GPC6: variants seen among roughly 807,000 people sequenced by gnomAD.
GPC6 encodes glypican-6.
A neutral mutation model predicts 55.2 loss-of-function variants in GPC6; 14 were observed. The observed-to-expected ratio is 0.25, with a 90% confidence interval of 0.17 to 0.40. GPC6 has a LOEUF of 0.40. GPC6 is among the 10% of genes least tolerant of loss of function. The pLI is 1.00. For synonymous variants in GPC6, 278 were observed against 259.6 expected (o/e 1.07, Z -0.68); for missense variants, 641 against 708.5 (o/e 0.90, Z 1.08).
At chr13:93,848,426 C>T (rs1412262216) in intron 3 of GPC6, among the ~76,000 whole-genome samples, 1 of 152,040 alleles carries the variant, frequency 6.6e-6, no homozygotes, top group African/African-American at 2.4e-5. Context: ...ATCTACATCT[C>T]AATCACCCCA....
chr13:93,319,932 C>T (rs1879376721), intron 1 of GPC6, among the ~76,000 whole-genome samples: 1 of 151,968 alleles, frequency 6.6e-6, no homozygotes, highest in African/African-American at 2.4e-5. Flanking sequence ...AAGAAAATCG[C>T]AAAACAATAG....
intron 1 of GPC6, among the ~76,000 whole-genome samples, chr13:93,445,443 GAACATCT>G (rs1373281350): frequency 6.6e-6 from 1 of 152,114 alleles, no homozygotes; most frequent in Admixed American, 6.6e-5. Context: ...GTAATATTGG[GAACATCT>G]AACTCAGTTC....
chr13:94,297,495 C>T (rs980234727), intron 5 of GPC6, among the ~76,000 whole-genome samples: 3 of 152,182 alleles, frequency 2.0e-5, no homozygotes, highest in Non-Finnish European at 4.4e-5. Flanking sequence ...CCTTGTAACT[C>T]CTCCTTCCTC....
rs146182972 is a variant in GPC6, at chr13:93,582,417, C to A, written c.319+36996C>A. On this transcript the variant is annotated intron_variant, in intron 2 of 8. Coordinates refer to ENST00000377047, the MANE Select transcript of GPC6 (RefSeq NM_005708.5). ...CAAAATCTGGAAACTGGCATAGTGCCACCTATTCTTCAAAATTTTGTTAAG... is the reference window on the plus strand; with the variant it reads ...CAAAATCTGGAAACTGGCATAGTGCAACCTATTCTTCAAAATTTTGTTAAG... 4.3e-3 allele frequency among the ~76,000 whole-genome samples: 660 copies of A among 152,218 alleles called. 3 individuals are homozygous for A. The highest frequency in any genetic ancestry group is 0.02 in the Middle Eastern group (6 of 294).
intron 2 of GPC6, among the ~76,000 whole-genome samples, chr13:93,607,435 C>T (rs1380339063): frequency 6.6e-6 from 1 of 152,178 alleles, no homozygotes; most frequent in Admixed American, 6.5e-5. Flanking sequence ...ATGCAGCTTA[C>T]ATTCCATGGA....
At chr13:94,376,050 AAAAT>A (rs1199452288) in intron 6 of GPC6, among the ~76,000 whole-genome samples, 1 of 13,424 alleles carries the variant, frequency 7.4e-5, no homozygotes, top group African/African-American at 5.4e-4. Context: ...GACGTATTTC[AAAAT>A]AATAAGAGCT....
At chr13:94,059,237 C>G (rs1594702795) in intron 4 of GPC6, among the ~76,000 whole-genome samples, 1 of 150,142 alleles carries the variant, frequency 6.7e-6, no homozygotes, top group African/African-American at 2.5e-5. Flanking sequence ...TTTCAGTAAT[C>G]AGACGCTGTT....
chr13:93,724,140 C>A (rs150715230), intron 2 of GPC6, among the ~76,000 whole-genome samples: 41 of 151,592 alleles, frequency 2.7e-4, no homozygotes, highest in Admixed American at 5.3e-4. Context: ...AAGCTTTTAC[C>A]GATGGTACTG....
chr13:93,250,247 AAC>A (rs1198696295), intron 1 of GPC6, among the ~76,000 whole-genome samples: 1 of 152,200 alleles, frequency 6.6e-6, no homozygotes, highest in Non-Finnish European at 1.5e-5. Context: ...CTTGTCAATT[AAC>A]ACAGAGTAGA....
intron 3 of GPC6, among the ~76,000 whole-genome samples, chr13:94,016,262 TA>T (rs1361864299): frequency 6.6e-6 from 1 of 152,224 alleles, no homozygotes; most frequent in Non-Finnish European, 1.5e-5. Flanking sequence ...TTTTATACCA[TA>T]TTTTTTCTCA....
chr13:93,928,856 T>TACAC (rs10642875), intron 3 of GPC6, among the ~76,000 whole-genome samples: 38,647 of 142,674 alleles, frequency 0.27, 5,213 homozygotes, highest in East Asian at 0.33. Context: ...CCCTGTGTGT[T>TACAC]ACACACACAC....
At chr13:93,393,152 AG>A (rs1875707324) in intron 1 of GPC6, among the ~76,000 whole-genome samples, 1 of 145,516 alleles carries the variant, frequency 6.9e-6, no homozygotes, top group Admixed American at 6.9e-5. Context: ...AGAGAGAGAG[AG>A]AGAGAGTGAG....
At chr13:94,298,643 G>A (rs780435058) in intron 5 of GPC6, among the ~76,000 whole-genome samples, 5 of 152,176 alleles carry the variant, frequency 3.3e-5, no homozygotes, top group Non-Finnish European at 5.9e-5. Context: ...GGCTTATCAA[G>A]CTCACTGAGT....
chr13:93,486,875 T>C (rs1284693334), intron 1 of GPC6, among the ~76,000 whole-genome samples: 2 of 149,870 alleles, frequency 1.3e-5, no homozygotes, highest in Non-Finnish European at 3.0e-5. Flanking sequence ...AACCAGGGAG[T>C]TGGAGGTTGC....
At chr13:93,710,559 G>A (rs956274333) in intron 2 of GPC6, among the ~76,000 whole-genome samples, 12 of 151,610 alleles carry the variant, frequency 7.9e-5, no homozygotes, top group African/African-American at 2.7e-4. Context: ...TCCTCATCTC[G>A]TCTATTAGGA....
At chr13:94,357,360 A>G (rs1466863249) in intron 6 of GPC6, among the ~76,000 whole-genome samples, 1 of 152,118 alleles carries the variant, frequency 6.6e-6, no homozygotes, top group Non-Finnish European at 1.5e-5. Flanking sequence ...TCAGAGAGAC[A>G]GAGAGACCCC....
At chr13:93,507,880 G>GA (rs796577759) in intron 1 of GPC6, among the ~76,000 whole-genome samples, 36 of 143,180 alleles carry the variant, frequency 2.5e-4, no homozygotes, top group African/African-American at 4.1e-4. Flanking sequence ...CTAAGCATAT[G>GA]AAAAAAAAAA....
At chr13:93,284,408 T>C (rs1878044872) in intron 1 of GPC6, among the ~76,000 whole-genome samples, 1 of 152,206 alleles carries the variant, frequency 6.6e-6, no homozygotes, top group Non-Finnish European at 1.5e-5. Flanking sequence ...CTACAGAGAA[T>C]ATTTAATAGT....
At chr13:94,022,590 G>A (rs1329649965) in intron 3 of GPC6, among the ~76,000 whole-genome samples, 2 of 151,924 alleles carry the variant, frequency 1.3e-5, no homozygotes, top group African/African-American at 4.8e-5. Flanking sequence ...CATTTCCTTT[G>A]GGTATATATA....
Sources: gnomAD v4.1 joint callset for allele counts (sites outside exome capture counted in the v4.1 genomes callset) on GRCh38, gnomAD v4.1.1 for gene constraint, MANE v1.5 for transcripts, NCBI Gene and HGNC (gene_info 2026-07-23, HGNC 2026-07-21) for gene names.